Variants in SOX5 observed in about 807,000 individuals in gnomAD.
SOX5 encodes SRY-box transcription factor 5.
In SOX5, 9 loss-of-function variants were observed where a neutral mutation model predicts 92.0. The observed-to-expected ratio is 0.10, with a 90% CI of 0.06 to 0.17. The LOEUF is 0.17. Among genes scored for constraint, SOX5 ranks in the 10% least tolerant of loss-of-function variants. The pLI is 1.00. For missense variants in SOX5, 642 were observed against 944.5 expected (o/e 0.68, Z 4.20); for synonymous variants, 344 against 336.3 (o/e 1.02, Z -0.25).
intron 4 of SOX5, among the ~76,000 whole-genome samples, chr12:24,156,928 T>C (rs1257169736): frequency 6.6e-6 from 1 of 152,158 alleles, no homozygotes; most frequent in African/African-American, 2.4e-5. Context: ...ATGAAAACAA[T>C]ATCCAAATTA....
intron 4 of SOX5, among the ~76,000 whole-genome samples, chr12:24,192,960 A>G (rs921313855): frequency 6.6e-6 from 1 of 151,870 alleles, no homozygotes; most frequent in Non-Finnish European, 1.5e-5. Flanking sequence ...AAAGAAAAAA[A>G]TTAAACTAAA....
At chr12:24,222,308 G>A (rs1439490406) in intron 3 of SOX5, among the ~76,000 whole-genome samples, 1 of 152,134 alleles carries the variant, frequency 6.6e-6, no homozygotes, top group Non-Finnish European at 1.5e-5. Context: ...GTAGGTCAGG[G>A]TAGAGTCTAT....
In SOX5 at chr12:23,887,915, A is replaced by ATGTGTGTG. The variant is rs1374110699; in HGVS notation, c.270+7877_270+7878insCACACACA. Among the ~76,000 whole-genome samples the ATGTGTGTG allele has an allele frequency of 1.5e-4, 12 of 79,722 alleles. No homozygotes were observed. The East Asian group carries it at 3.0e-3, about 20-fold the overall frequency. 52.3% of individuals were successfully genotyped at this position (79,722 alleles called of 152,430 possible). On this transcript the variant is annotated intron_variant, in intron 2 of 14. Coordinates refer to ENST00000451604, the MANE Select transcript of SOX5 (RefSeq NM_006940.6). ...ATTGATGGTAATTGGTCCAGTGTGT[A>ATGTGTGTG]TATGTGTGTGTGTGTGTGTGTGTGT...
intron 2 of SOX5, among the ~76,000 whole-genome samples, chr12:23,849,733 T>C (rs898659858): frequency 6.6e-6 from 1 of 152,192 alleles, no homozygotes. Context: ...TCCAGACTTA[T>C]AAAGCTCTGT....
chr12:24,106,288 A>C (rs1380591647), intron 4 of SOX5, among the ~76,000 whole-genome samples: 1 of 152,180 alleles, frequency 6.6e-6, no homozygotes, highest in Admixed American at 6.5e-5. Flanking sequence ...AATAAGGTTG[A>C]TTACAAACAA....
intron 4 of SOX5, among the ~76,000 whole-genome samples, chr12:24,129,438 C>T (rs2138464177): frequency 6.6e-6 from 1 of 152,242 alleles, no homozygotes; most frequent in South Asian, 2.1e-4. Flanking sequence ...TTGGGGTGTT[C>T]CTCTCCCATA....
intron 1 of SOX5, among the ~76,000 whole-genome samples, chr12:23,936,037 G>A (rs998431154): frequency 6.6e-6 from 1 of 151,004 alleles, no homozygotes; most frequent in Admixed American, 6.6e-5. Flanking sequence ...AAATAAGATT[G>A]TTGTGAGGCT....
intron 6 of SOX5, among the ~76,000 whole-genome samples, chr12:23,683,815 A>T (rs2087049454): frequency 6.6e-6 from 1 of 151,896 alleles, no homozygotes; most frequent in Non-Finnish European, 1.5e-5. Context: ...TAACCCTAAC[A>T]CCCCATTGGT....
At chr12:23,922,937 C>G (rs1938772156) in intron 1 of SOX5, among the ~76,000 whole-genome samples, 1 of 150,286 alleles carries the variant, frequency 6.7e-6, no homozygotes, top group East Asian at 2.0e-4. Context: ...TCAAGGGAAG[C>G]TCCTTCTTTT....
intron 2 of SOX5, among the ~76,000 whole-genome samples, chr12:23,889,039 C>T (rs1464255674): frequency 6.6e-6 from 1 of 152,156 alleles, no homozygotes; most frequent in Non-Finnish European, 1.5e-5. Flanking sequence ...GGCTTCCAAG[C>T]TTACTTTATC....
chr12:24,423,633 T>C (rs904304212), intron 1 of SOX5, among the ~76,000 whole-genome samples: 1 of 152,206 alleles, frequency 6.6e-6, no homozygotes, highest in Non-Finnish European at 1.5e-5. Context: ...CAGTCAACAG[T>C]TTAAAATGCC....
intron 11 of SOX5, among the ~76,000 whole-genome samples, chr12:23,561,369 C>G (rs558016789): frequency 6.6e-6 from 1 of 152,208 alleles, no homozygotes; most frequent in East Asian, 1.9e-4. Context: ...GCAGATGGTT[C>G]CACTCCTGTT....
At chr12:24,280,855 T>C (rs1364020219) in intron 2 of SOX5, among the ~76,000 whole-genome samples, 2 of 151,934 alleles carry the variant, frequency 1.3e-5, no homozygotes, top group African/African-American at 4.8e-5. Flanking sequence ...CATAATACAT[T>C]GGTAACTTTT....
chr12:24,465,969 T>A (rs1466222041), intron 1 of SOX5, among the ~76,000 whole-genome samples: 1 of 152,332 alleles, frequency 6.6e-6, no homozygotes, highest in Admixed American at 6.5e-5. Flanking sequence ...CTAATAATAC[T>A]ATGATTTATA....
chr12:24,442,666 CA>C (rs963905527), intron 1 of SOX5, among the ~76,000 whole-genome samples: 2 of 152,152 alleles, frequency 1.3e-5, no homozygotes, highest in Non-Finnish European at 2.9e-5. Context: ...GATGAAGGAA[CA>C]AACTTAAAGG....
chr12:23,677,635 T>C (rs1354653679), intron 6 of SOX5, among the ~76,000 whole-genome samples: 1 of 151,826 alleles, frequency 6.6e-6, no homozygotes, highest in African/African-American at 2.4e-5. Flanking sequence ...TTAAACTCTG[T>C]GCATTATTCT....
chr12:24,065,125 T>A (rs997707805), intron 4 of SOX5, among the ~76,000 whole-genome samples: 3 of 152,088 alleles, frequency 2.0e-5, no homozygotes, highest in African/African-American at 7.2e-5. Flanking sequence ...GATGTGCGGA[T>A]GTGTAAGGTT....
chr12:23,864,937 T>C (rs537680930), intron 2 of SOX5, among the ~76,000 whole-genome samples: 22 of 152,258 alleles, frequency 1.4e-4, no homozygotes, highest in South Asian at 6.2e-4. Flanking sequence ...AAGACTTTCA[T>C]AGTGAGAATG....
chr12:23,554,461 G>A (rs186999597), intron 11 of SOX5, among the ~76,000 whole-genome samples: 10 of 152,232 alleles, frequency 6.6e-5, no homozygotes, highest in African/African-American at 2.4e-4. Context: ...TCCATATTCC[G>A]TTAGAAAAGA....
Sources: allele counts gnomAD v4.1 joint callset (sites outside exome capture counted in the v4.1 genomes callset), GRCh38; gene constraint gnomAD v4.1.1; transcripts MANE v1.5; gene names NCBI Gene and HGNC (gene_info 2026-07-23, HGNC 2026-07-21).